The following EDIL3 variants were observed in gnomAD, a reference collection of about 807,000 sequenced individuals.
EDIL3 encodes the protein EGF-like repeat and discoidin I-like domain-containing protein 3.
Under a neutral mutation model 67.4 loss-of-function variants are expected in EDIL3, and 37 were observed. The observed-to-expected ratio is 0.55, with a 90% CI of 0.42 to 0.72. EDIL3 has a LOEUF of 0.72. Ranked by LOEUF, EDIL3 falls within the 30% of genes least tolerant of loss-of-function variation. EDIL3 has a pLI of 0.00. For synonymous variants in EDIL3, 195 were observed against 196.3 expected (o/e 0.99, Z 0.05); for missense variants, 527 against 586.3 (o/e 0.90, Z 1.04).
chr5:84,066,736 G>A, intron 6 of EDIL3, 130 bp from the exon 7 acceptor site: 2 of 1,220,842 alleles, frequency 1.6e-6, no homozygotes, highest in Non-Finnish European at 2.2e-6. Flanking sequence ...AATTTTCATG[G>A]ATAAATGTTT....
intron 1 of EDIL3, among the ~76,000 whole-genome samples, chr5:84,275,520 T>A (rs1345186348): frequency 6.6e-6 from 1 of 152,226 alleles, no homozygotes; most frequent in Non-Finnish European, 1.5e-5. Context: ...CAATTATGTA[T>A]AAGTTATCAT....
chr5:84,354,656 CA>C (rs11394541), intron 1 of EDIL3, among the ~76,000 whole-genome samples: 20 of 140,174 alleles, frequency 1.4e-4, no homozygotes, highest in Admixed American at 4.3e-4. Flanking sequence ...GACTCCATCT[CA>C]AAAAAAAAAA....
chr5:84,281,021 TAA>T (rs1333213517), intron 1 of EDIL3, among the ~76,000 whole-genome samples: 3 of 143,210 alleles, frequency 2.1e-5, no homozygotes, highest in African/African-American at 7.8e-5. Context: ...GAAAATTAAA[TAA>T]GTTAATGTTT....
intron 2 of EDIL3, among the ~76,000 whole-genome samples, chr5:84,243,220 T>A (rs1207188969): frequency 6.8e-6 from 1 of 146,734 alleles, no homozygotes. Context: ...CACTTCAGTG[T>A]TTATCACCTG....
At chr5:84,068,911 T>C (rs1452403378) in intron 6 of EDIL3, among the ~76,000 whole-genome samples, 3 of 152,154 alleles carry the variant, frequency 2.0e-5, no homozygotes, top group Non-Finnish European at 2.9e-5. Flanking sequence ...TTGGAGGAAA[T>C]ATATAGTATG....
intron 2 of EDIL3, among the ~76,000 whole-genome samples, chr5:84,231,596 A>T (rs1744579530): frequency 6.6e-6 from 1 of 152,184 alleles, no homozygotes; most frequent in Non-Finnish European, 1.5e-5. Flanking sequence ...TACACATTAG[A>T]CAAGCTGACT....
chr5:84,370,472 C>G (rs2665123), intron 1 of EDIL3, among the ~76,000 whole-genome samples: 1,604 of 152,200 alleles, frequency 0.011, 34 homozygotes, highest in African/African-American at 0.037. Flanking sequence ...CAGGGCACTG[C>G]GGCAATTAGT....
In EDIL3 at chr5:84,219,987, G is replaced by A. The variant is rs537158850; in HGVS notation, c.226+9868C>T. Among the ~76,000 whole-genome samples the A allele has an allele frequency of 4.6e-5, 7 of 151,966 alleles. No individual in the cohort carries two copies. In the South Asian group the frequency reaches 8.3e-4, roughly 18 times the overall value. ...CAGGGGGTAGTGGGGTGGGGAGTGG[G>A]GATGGTTAATGAGCATAAAAATATA... On this transcript the variant is annotated intron_variant, in intron 3 of 10. Coordinates refer to ENST00000296591, the MANE Select transcript of EDIL3 (RefSeq NM_005711.5).
chr5:84,222,253 C>G (rs766369363), intron 3 of EDIL3, among the ~76,000 whole-genome samples: 8 of 151,850 alleles, frequency 5.3e-5, no homozygotes, highest in Non-Finnish European at 8.8e-5. Context: ...TTTTAACTTG[C>G]TAATATAAAA....
At chr5:84,127,432 C>T (rs1747887443) in intron 5 of EDIL3, among the ~76,000 whole-genome samples, 1 of 152,048 alleles carries the variant, frequency 6.6e-6, no homozygotes, top group Non-Finnish European at 1.5e-5. Flanking sequence ...ACTTTAGTCA[C>T]CTTAATGGTT....
At chr5:84,134,397 C>G (rs897979296) in intron 5 of EDIL3, among the ~76,000 whole-genome samples, 2 of 152,086 alleles carry the variant, frequency 1.3e-5, no homozygotes, top group Non-Finnish European at 2.9e-5. Context: ...CTGGGACATG[C>G]ATGATACAAA....
At chr5:84,257,031 C>T (rs533642436) in intron 1 of EDIL3, among the ~76,000 whole-genome samples, 3 of 152,234 alleles carry the variant, frequency 2.0e-5, no homozygotes, top group Non-Finnish European at 4.4e-5. Context: ...AAAATAAGAA[C>T]CCTTCTTTCA....
chr5:84,379,438 T>C (rs1748032513), intron 1 of EDIL3, among the ~76,000 whole-genome samples: 1 of 152,120 alleles, frequency 6.6e-6, no homozygotes, highest in African/African-American at 2.4e-5. Context: ...TTTACCATAA[T>C]GACAAAAAGA....
chr5:84,306,492 T>G (rs926323161), intron 1 of EDIL3, among the ~76,000 whole-genome samples: 8 of 152,324 alleles, frequency 5.3e-5, no homozygotes, highest in Non-Finnish European at 1.0e-4. Context: ...CCCTGGGATC[T>G]GGGATTATGG....
intron 1 of EDIL3, among the ~76,000 whole-genome samples, chr5:84,373,785 G>A (rs146488186): frequency 1.3e-5 from 2 of 152,210 alleles, no homozygotes; most frequent in Admixed American, 1.3e-4. Flanking sequence ...GTGAGGAAAG[G>A]TAAAAGCTAG....
At chr5:84,288,822 T>A (rs1041426398) in intron 1 of EDIL3, among the ~76,000 whole-genome samples, 2 of 152,132 alleles carry the variant, frequency 1.3e-5, no homozygotes, top group South Asian at 4.1e-4. Flanking sequence ...CATAAATATC[T>A]TGTTTATTGT....
chr5:84,076,206 C>T (rs1240051241), intron 6 of EDIL3, among the ~76,000 whole-genome samples: 2 of 151,922 alleles, frequency 1.3e-5, no homozygotes, highest in Non-Finnish European at 2.9e-5. Flanking sequence ...TATATTCAAT[C>T]TATTGCAATA....
intron 9 of EDIL3, among the ~76,000 whole-genome samples, chr5:84,053,421 A>G (rs1746378752): frequency 1.3e-5 from 2 of 152,218 alleles, no homozygotes; most frequent in Admixed American, 1.3e-4. Flanking sequence ...GAGCAAACAC[A>G]TTCAAAAGCT....
intron 6 of EDIL3, among the ~76,000 whole-genome samples, chr5:84,080,153 C>T (rs1206020078): frequency 3.1e-5 from 4 of 128,826 alleles, no homozygotes; most frequent in Admixed American, 1.6e-4. Flanking sequence ...AAAAATAGCC[C>T]GGCGTGGTGG....
Sources: gnomAD v4.1 joint callset for allele counts (sites outside exome capture counted in the v4.1 genomes callset) on GRCh38, gnomAD v4.1.1 for gene constraint, MANE v1.5 for transcripts, NCBI Gene and HGNC (gene_info 2026-07-23, HGNC 2026-07-21) for gene names.